Variants in EFTUD2 observed in about 807,000 individuals in gnomAD.
EFTUD2 encodes 116 kDa U5 small nuclear ribonucleoprotein component.
EFTUD2 carries 9 observed loss-of-function variants against 114.3 expected under a neutral mutation model. That is an observed-to-expected ratio of 0.08 (90% CI 0.05 to 0.14). EFTUD2 has a LOEUF of 0.14. Ranked by LOEUF, EFTUD2 falls within the 10% of genes least tolerant of loss-of-function variation. EFTUD2 has a pLI of 1.00. For missense variants in EFTUD2, 765 were observed against 1,241.2 expected, an observed-to-expected ratio of 0.62 and a Z score of 5.76; for synonymous variants, 449 against 462.3, an observed-to-expected ratio of 0.97 and a Z score of 0.37.
At chr17:44,852,806 C>T (rs113167286) in intron 25 of EFTUD2, among the ~76,000 whole-genome samples, 1 of 152,162 alleles carries the variant, frequency 6.6e-6, no homozygotes, top group African/African-American at 2.4e-5. Flanking sequence ...GGACAAGGGC[C>T]CAAAGACATT....
At chr17:44,897,307 C>T (rs1007972183) in intron 1 of EFTUD2, among the ~76,000 whole-genome samples, 4 of 151,556 alleles carry the variant, frequency 2.6e-5, no homozygotes, top group Admixed American at 2.6e-4. Flanking sequence ...ATCATGAGAA[C>T]CCTGTGTTCC....
chr17:44,859,854 A>G, intron 18 of EFTUD2, 51 bp downstream of exon 18: 11 of 1,611,890 alleles, frequency 6.8e-6, no homozygotes, highest in Non-Finnish European at 9.3e-6. Flanking sequence ...AGCTCTGCCC[A>G]TTCAGCTGGG....
chr17:44,853,495 C>T (rs745574199), intron 24 of EFTUD2, 22 bp downstream of exon 24: 6 of 1,613,208 alleles, frequency 3.7e-6, no homozygotes, highest in Non-Finnish European at 5.1e-6. Flanking sequence ...GCAGATGGTC[C>T]CCTACCGCCC....
intron 1 of EFTUD2, among the ~76,000 whole-genome samples, chr17:44,898,486 C>T (rs1451951816): frequency 6.6e-6 from 1 of 152,208 alleles, no homozygotes; most frequent in African/African-American, 2.4e-5. Context: ...TCCCAAAGTG[C>T]TGGGATTACA....
At chr17:44,855,058 C>G (rs543603470) in intron 20 of EFTUD2, 54 bp from the exon 21 acceptor site, 1 of 1,481,032 alleles carries the variant, frequency 6.8e-7, no homozygotes, top group African/African-American at 1.4e-5. Flanking sequence ...GCAGAAGAGG[C>G]ATTACTAAGA....
At position 44,864,999 on chromosome 17, in the gene EFTUD2, C is replaced by G. The variant is rs1278574730; in HGVS notation, c.1216G>C (p.Glu406Gln). The change falls in exon 14 of 28, where the codon GAG (glutamate) becomes CAG (glutamine). Residue 406 changes from glutamate (E) to glutamine (Q), a missense_variant. By Grantham distance (29) the Glu-to-Gln change is conservative (BLOSUM62 2). Transcript: ENST00000426333. ...GGGCGGATGTTCAGCTTCAGCTCCT[C>G]CTTCGTCAGGTGGATGCCAAGCTCG... ...LDELGIHLTK[E>Q]ELKLNIRPLL... The G allele has an allele frequency of 2.6e-5, 42 of 1,614,078 alleles. No homozygotes were observed. The highest frequency in any genetic ancestry group is 3.1e-5 in the Non-Finnish European group (37 of 1,180,050).
In EFTUD2 at chr17:44,886,762, A is replaced by C; in HGVS notation, c.106-12T>G. The C allele has an allele frequency of 1.2e-6, 2 of 1,610,386 alleles. No individual in the cohort carries two copies. Among genetic ancestry groups the C allele is most frequent in the Non-Finnish European group, 1.7e-6 (2 of 1,178,588 alleles). On this transcript the variant is annotated splice_polypyrimidine_tract_variant and intron_variant, in intron 2 of 27. Coordinates refer to ENST00000426333, the MANE Select transcript of EFTUD2 (RefSeq NM_004247.4). ...TCATCATCATCCATCTGAAAGCAAG[A>C]GGGAGAGGGAGAATCGAAGAGGCAC...
At chr17:44,866,183 A>G (rs774501897) in intron 13 of EFTUD2, among the ~76,000 whole-genome samples, 1 of 152,206 alleles carries the variant, frequency 6.6e-6, no homozygotes. Flanking sequence ...AATGATTTCA[A>G]TCTGACAAGC....
At chr17:44,865,309 T>C (rs754800310) in intron 13 of EFTUD2, 13 of 465,668 alleles carry the variant, frequency 2.8e-5, no homozygotes, top group African/African-American at 2.4e-4. Context: ...AGCACTCAGA[T>C]TGATTACTCC....
chr17:44,890,739 GC>G (rs1227055639), intron 2 of EFTUD2, among the ~76,000 whole-genome samples: 1 of 152,128 alleles, frequency 6.6e-6, no homozygotes, highest in African/African-American at 2.4e-5. Flanking sequence ...GGACTAGGAG[GC>G]TATAACCCTC....
At chr17:44,894,587 C>T in intron 1 of EFTUD2, 62 bp from the exon 2 acceptor site, 2 of 1,231,782 alleles carry the variant, frequency 1.6e-6, no homozygotes, top group Non-Finnish European at 2.4e-6. Flanking sequence ...CATGTGGTGG[C>T]TCCACCTGTC....
chr17:44,851,498 C>G, intron 27 of EFTUD2, 129 bp from the exon 28 acceptor site: 1 of 909,358 alleles, frequency 1.1e-6, no homozygotes, highest in East Asian at 2.6e-5. Flanking sequence ...TTTCAGGAGC[C>G]CTGCCTTTAG....
At chr17:44,890,866 A>G (rs995080172) in intron 2 of EFTUD2, among the ~76,000 whole-genome samples, 2 of 152,234 alleles carry the variant, frequency 1.3e-5, no homozygotes, top group African/African-American at 4.8e-5. Context: ...ATAGAGATAT[A>G]ATATCCTACA....
intron 26 of EFTUD2, 123 bp downstream of exon 26, chr17:44,852,286 G>T: frequency 8.0e-7 from 1 of 1,242,382 alleles, no homozygotes; most frequent in East Asian, 2.5e-5. Context: ...ATGCTCCCCA[G>T]AGGAGGACTC....
At chr17:44,899,303 G>C (rs1246933229) in intron 1 of EFTUD2, 66 bp downstream of exon 1, 2 of 152,376 alleles carry the variant, frequency 1.3e-5, no homozygotes, top group East Asian at 1.9e-4. Flanking sequence ...TTCCAGATCT[G>C]ACGCTTTTTA....
At chr17:44,884,333 A>T (rs762330128) in intron 4 of EFTUD2, 1 of 152,104 alleles carries the variant, frequency 6.6e-6, no homozygotes, top group Non-Finnish European at 1.5e-5. Context: ...AGGACTTCCA[A>T]CATGGTGAAA....
chr17:44,884,095 T>G (rs2051121389), intron 4 of EFTUD2: 2 of 206,434 alleles, frequency 9.7e-6, no homozygotes, highest in South Asian at 1.7e-4. Flanking sequence ...GGTAAAACCC[T>G]GTCTCTACTA....
Position 44,852,432 on chromosome 17 carries a change from G to C in EFTUD2, c.2692C>G (p.Leu898Val), listed in dbSNP as rs1443731513. Reference protein sequence around the residue: ...RTHTQGQAFSLSVFHHWQIVP... With the variant: ...RTHTQGQAFSVSVFHHWQIVP... The stretch of plus-strand genomic sequence containing the variant: ...ACCTGCCAGTGGTGGAAGACAGACA[G>C]AGAAAAGGCTTGTCCCTGGGTGTGA... Residue 898 changes from leucine to valine, a missense_variant, in exon 26 of 28, where the codon CTG (leucine) becomes GTG (valine). Physicochemically the swap from Leu to Val is conservative, Grantham distance 32. Transcript: ENST00000426333. The C allele has an allele frequency of 4.3e-6, 7 of 1,614,082 alleles. No homozygotes were observed. In the South Asian group the frequency reaches 7.7e-5, roughly 18 times the overall value.
At position 44,886,610 on chromosome 17, in the gene EFTUD2, T is replaced by C. The variant is rs766874981; in HGVS notation, c.246A>G (p.Gln82=). 2 of 1,614,178 alleles carry C rather than the reference T, an allele frequency of 1.2e-6. No homozygotes were observed. Among genetic ancestry groups the C allele is most frequent in the Non-Finnish European group, 8.5e-7 (1 of 1,180,030 alleles). Residue 82 remains glutamine (Q), a synonymous_variant, in exon 3 of 28, where the codon CAA becomes CAG. Coordinates refer to ENST00000426333, the MANE Select transcript of EFTUD2 (RefSeq NM_004247.4). Reference sequence around the variant, plus strand: ...CTGTGAGAGGCTGAGTGTCTTCCTCTTGAACTATGGTCTCCACCTCAGGAC... The same window carrying C: ...CTGTGAGAGGCTGAGTGTCTTCCTCCTGAACTATGGTCTCCACCTCAGGAC... ...VYGPEVETIV[Q]EEDTQPLTEP... is the part of the protein sequence containing the mutation.
Sources: gnomAD v4.1 joint callset for allele counts (sites outside exome capture counted in the v4.1 genomes callset) on GRCh38, gnomAD v4.1.1 for gene constraint, MANE v1.5 for transcripts, NCBI Gene and HGNC (gene_info 2026-07-23, HGNC 2026-07-21) for gene names.